The following HSF2 variants were observed in gnomAD, a reference collection of about 807,000 sequenced individuals.
HSF2 encodes heat shock factor protein 2.
A neutral mutation model predicts 65.0 loss-of-function variants in HSF2; 21 were observed. The observed-to-expected ratio is 0.32, with a 90% confidence interval of 0.23 to 0.47. The LOEUF (loss-of-function observed/expected upper bound fraction) is 0.47, where lower values mean the gene tolerates loss of function less well. Among genes scored for constraint, HSF2 ranks in the 20% least tolerant of loss-of-function variants. The pLI is 1.00. For missense variants in HSF2, 499 were observed against 628.1 expected, an observed-to-expected ratio of 0.79 and a Z score of 2.20; for synonymous variants, 225 against 219.1, an observed-to-expected ratio of 1.03 and a Z score of -0.24.
At chr6:122,401,882 A>G (rs1773741735) in intron 1 of HSF2, among the ~76,000 whole-genome samples, 1 of 152,196 alleles carries the variant, frequency 6.6e-6, no homozygotes, top group Admixed American at 6.5e-5. Flanking sequence ...TGAGGCTTGG[A>G]CAGGTGAGAT....
At chr6:122,406,197 G>A (rs535651586) in intron 1 of HSF2, among the ~76,000 whole-genome samples, 2 of 152,300 alleles carry the variant, frequency 1.3e-5, no homozygotes, top group African/African-American at 4.8e-5. Context: ...TGAATTTGGA[G>A]CAATAAATTG....
chr6:122,423,061 A>C, intron 9 of HSF2, 104 bp downstream of exon 9: 1 of 1,229,024 alleles, frequency 8.1e-7, no homozygotes, highest in East Asian at 2.3e-5. Context: ...ATGAACCCAC[A>C]TAGTCCACCT....
intron 12 of HSF2, 47 bp downstream of exon 12, chr6:122,431,561 A>G (rs776464290): frequency 3.0e-5 from 33 of 1,088,694 alleles, no homozygotes; most frequent in Non-Finnish European, 4.3e-5. Flanking sequence ...TTTTAATCCT[A>G]TGCAGAAACA....
chr6:122,403,647 T>A (rs1773794249), intron 1 of HSF2, among the ~76,000 whole-genome samples: 1 of 152,082 alleles, frequency 6.6e-6, no homozygotes. Flanking sequence ...AGAAAGTATG[T>A]TTTACATATT....
At chr6:122,405,335 ACAC>A (rs1467126237) in intron 1 of HSF2, among the ~76,000 whole-genome samples, 2 of 152,218 alleles carry the variant, frequency 1.3e-5, no homozygotes, top group East Asian at 3.9e-4. Context: ...CCTTTAAAAA[ACAC>A]CAAGATAAAC....
At chr6:122,419,314 G>T in intron 6 of HSF2, 85 bp downstream of exon 6, 2 of 624,732 alleles carry the variant, frequency 3.2e-6, no homozygotes, top group East Asian at 3.0e-5. Context: ...TACACTTGCT[G>T]AGTATGTGCT....
chr6:122,417,277 T>G (rs1290661597), intron 5 of HSF2, among the ~76,000 whole-genome samples: 1 of 152,102 alleles, frequency 6.6e-6, no homozygotes, highest in East Asian at 1.9e-4. Context: ...TGGTTAAGAA[T>G]AGTTGACTTA....
chr6:122,407,811 A>G (rs960493217), intron 1 of HSF2, among the ~76,000 whole-genome samples: 1 of 152,144 alleles, frequency 6.6e-6, no homozygotes, highest in Non-Finnish European at 1.5e-5. Flanking sequence ...GCAAGATATC[A>G]TAGACCAGGT....
intron 4 of HSF2, among the ~76,000 whole-genome samples, chr6:122,414,259 A>G (rs1160627362): frequency 2.0e-5 from 3 of 152,208 alleles, no homozygotes; most frequent in Non-Finnish European, 4.4e-5. Context: ...TAACTTGTGT[A>G]TAGAGTAGAT....
chr6:122,430,624 G>C (rs1427151266), intron 11 of HSF2, among the ~76,000 whole-genome samples: 1 of 151,884 alleles, frequency 6.6e-6, no homozygotes, highest in African/African-American at 2.4e-5. Context: ...TTCATTTTAT[G>C]TTAAATATCA....
At chr6:122,421,381 C>T (rs913638770) in intron 7 of HSF2, among the ~76,000 whole-genome samples, 2 of 151,816 alleles carry the variant, frequency 1.3e-5, no homozygotes, top group African/African-American at 4.8e-5. Flanking sequence ...TTTCTTTTCC[C>T]TCTACTGTTA....
At chr6:122,427,552 A>ATGT (rs1774364450) in intron 10 of HSF2, among the ~76,000 whole-genome samples, 1 of 152,024 alleles carries the variant, frequency 6.6e-6, no homozygotes, top group Non-Finnish European at 1.5e-5. Flanking sequence ...TCAACCCTGC[A>ATGT]CACCACTTAA....
At chr6:122,412,522 T>C (rs761264945) in intron 2 of HSF2, 41 bp downstream of exon 2, 2 of 1,533,902 alleles carry the variant, frequency 1.3e-6, no homozygotes, top group Non-Finnish European at 1.8e-6. Flanking sequence ...CATTATCAGC[T>C]ACTGATGAAG....
Position 122,403,608 on chromosome 6 carries a change from AAAC to A in HSF2, c.93+3790_93+3792del, listed in dbSNP as rs373059837. On this transcript the variant is annotated intron_variant, in intron 1 of 12. Transcript: ENST00000368455. ...AACAACAGAACGAAATCCTGTCTCA[AAAC>A]AACAACAACAAAAAACAGAAAGAAA... is the stretch of plus-strand genomic sequence containing the variant. Among the ~76,000 whole-genome samples the A allele has an allele frequency of 3.9e-4, 59 of 152,350 alleles. No individual in the cohort carries two copies. In the East Asian group the frequency reaches 0.01, roughly 26 times the overall value.
At chr6:122,404,593 C>T (rs1773820941) in intron 1 of HSF2, among the ~76,000 whole-genome samples, 1 of 148,010 alleles carries the variant, frequency 6.8e-6, no homozygotes. Context: ...AACAAGAGTG[C>T]CAAAATTAAT....
Position 122,426,371 on chromosome 6 carries a change from C to A in HSF2, c.1177-1532C>A, listed in dbSNP as rs143332537. ...GCTTATATATGATCTACTTTTTCTA[C>A]CATTTGTCTCCTAGGAATACATGTA... On this transcript the variant is annotated intron_variant, in intron 10 of 12. Coordinates refer to ENST00000368455, the MANE Select transcript of HSF2 (RefSeq NM_004506.4). Among the ~76,000 whole-genome samples, 1,250 of 152,138 alleles carry A rather than the reference C, an allele frequency of 8.2e-3. 18 individuals are homozygous for A. The highest frequency in any genetic ancestry group is 0.028 in the African/African-American group (1,158 of 41,526).
chr6:122,410,891 G>C lies in HSF2; in HGVS notation c.94-1482G>C, dbSNP rs550331698. On this transcript the variant is annotated intron_variant, in intron 1 of 12. Coordinates refer to ENST00000368455, the MANE Select transcript of HSF2 (RefSeq NM_004506.4). Reference sequence around the variant, plus strand: ...CTGTGAACATGGGGTACAAATATCTGTTCAAGTCGTTGCTTTTATGGTTTT... The same window carrying C: ...CTGTGAACATGGGGTACAAATATCTCTTCAAGTCGTTGCTTTTATGGTTTT... Among the ~76,000 whole-genome samples, 8 of 147,208 alleles carry C rather than the reference G, an allele frequency of 5.4e-5. No homozygotes were observed. The South Asian group carries it at 1.5e-3, about 28-fold the overall frequency.
At chr6:122,400,445 C>T (rs1003881781) in intron 1 of HSF2, among the ~76,000 whole-genome samples, 1 of 152,164 alleles carries the variant, frequency 6.6e-6, no homozygotes, top group Admixed American at 6.5e-5. Flanking sequence ...TTTTGAGATT[C>T]TGTGCTATTT....
chr6:122,399,702 G>A lies in HSF2; in HGVS notation c.-36G>A, dbSNP rs774088444. 1.3e-6 allele frequency: 2 copies of A among 1,535,312 alleles called. No individual in the cohort carries two copies. Among genetic ancestry groups the A allele is most frequent in the Non-Finnish European group, 8.9e-7 (1 of 1,118,186 alleles). On this transcript the variant is annotated 5_prime_UTR_variant, in exon 1 of 13. Transcript: ENST00000368455. The stretch of plus-strand genomic sequence containing the variant: ...TGCCGCCGCCGCTACCACCGCGTTC[G>A]GGTGTAGAATTTGGAATCCCTGCGC...
Sources: allele counts gnomAD v4.1 joint callset (sites outside exome capture counted in the v4.1 genomes callset), GRCh38; gene constraint gnomAD v4.1.1; transcripts MANE v1.5; gene names NCBI Gene and HGNC (gene_info 2026-07-23, HGNC 2026-07-21).